The following SSH1 variants were observed in gnomAD, a reference collection of about 807,000 sequenced individuals.
SSH1 encodes slingshot protein phosphatase 1, also known as protein phosphatase Slingshot homolog 1.
In SSH1, 43 loss-of-function variants were observed where a neutral mutation model predicts 79.7. The ratio of observed to expected loss-of-function variants is 0.54; its 90% CI spans 0.42 to 0.70. SSH1 has a LOEUF of 0.70. Ranked by LOEUF, SSH1 falls within the 30% of genes least tolerant of loss-of-function variation. The pLI is 0.00. For synonymous variants in SSH1, 599 were observed against 538.3 expected (o/e 1.11, Z -1.56); for missense variants, 1,206 against 1,358.8 (o/e 0.89, Z 1.77).
chr12:108,851,452 A>T (rs1458742659), intron 2 of SSH1, among the ~76,000 whole-genome samples: 1 of 152,006 alleles, frequency 6.6e-6, no homozygotes, highest in African/African-American at 2.4e-5. Flanking sequence ...GATAAAACAG[A>T]CTATTTTTTT....
At position 108,800,804 on chromosome 12, in the gene SSH1, G is replaced by C. The variant is rs755430218; in HGVS notation, c.1124C>G (p.Ala375Gly). ...TTDLLAHWNE[A>G]YHFINKAKRN... The stretch of plus-strand genomic sequence containing the variant: ...CTTCGCTTTGTTTATAAAATGATAC[G>C]CTTCATTCCAGTGGGCGAGGAGGTC... Residue 375 changes from alanine (A) to glycine (G), a missense_variant, in exon 12 of 15, where the codon GCG (alanine) becomes GGG (glycine). Ala to Gly is a moderately conservative substitution (Grantham distance 60). Around this residue, in one of 5 missense-constraint regions of SSH1, gnomAD observed 166 missense variants for 262.9 expected, o/e 0.63. Coordinates refer to ENST00000326495, the MANE Select transcript of SSH1 (RefSeq NM_018984.4). The C allele has an allele frequency of 6.2e-7, 1 of 1,614,122 alleles. No homozygotes were observed. Among genetic ancestry groups the C allele is most frequent in the African/African-American group, 1.3e-5 (1 of 75,024 alleles).
intron 10 of SSH1, among the ~76,000 whole-genome samples, chr12:108,804,250 C>T (rs1281153197): frequency 6.6e-6 from 1 of 152,156 alleles, no homozygotes; most frequent in East Asian, 1.9e-4. Flanking sequence ...ATAGTCATCC[C>T]TTGGGGTATA....
chr12:108,789,332 G>A (rs551394535), intron 14 of SSH1, 88 bp from the exon 15 acceptor site: 23 of 1,401,590 alleles, frequency 1.6e-5, no homozygotes, highest in East Asian at 1.2e-4. Flanking sequence ...AAAGGGGTGC[G>A]AGGCCGGACT....
chr12:108,788,443 G>T lies in SSH1; in HGVS notation c.2695C>A (p.Pro899Thr). ...TGGTCCAGGCGGTAGAAGAAAGGAG[G>T]GGGGCTCTTCAGTGAGCCTCCTTCC... ...SLEGGSLKSP[P>T]PFFYRLDHTS... Residue 899 changes from proline (P) to threonine (T), a missense_variant, in exon 15 of 15, where the codon CCT (proline) becomes ACT (threonine). Physicochemically the swap from Pro to Thr is conservative, Grantham distance 38. Transcript: ENST00000326495. 1.3e-6 allele frequency: 2 copies of T among 1,576,760 alleles called. No homozygotes were observed. The highest frequency in any genetic ancestry group is 1.2e-5 in the South Asian group (1 of 84,672).
intron 2 of SSH1, among the ~76,000 whole-genome samples, chr12:108,841,855 T>C (rs2038786815): frequency 6.6e-6 from 1 of 151,444 alleles, no homozygotes; most frequent in Non-Finnish European, 1.5e-5. Flanking sequence ...TATATATATA[T>C]ATATATAGCT....
In SSH1 at chr12:108,787,078, A is replaced by ATCTGGGCTCTC. The variant is rs1415944074; in HGVS notation, c.*899_*909dup. 1 of 152,272 alleles carries ATCTGGGCTCTC rather than the reference A, an allele frequency of 6.6e-6. No homozygotes were observed. The highest frequency in any genetic ancestry group is 1.5e-5 in the Non-Finnish European group (1 of 68,060). The allele number at this position is 152,272 out of a possible 1,614,324, so 9.4% of individuals were successfully genotyped here. On this transcript the variant is annotated 3_prime_UTR_variant, in exon 15 of 15. Transcript: ENST00000326495. ...TAGATGGGCCCTAGTGGACCTAAGC[A>ATCTGGGCTCTC]TCTGGGCTCTCAGCAGGACGATGTG... is the stretch of plus-strand genomic sequence containing the variant.
chr12:108,788,481 G>T lies in SSH1; in HGVS notation c.2657C>A (p.Ala886Asp), dbSNP rs780341554. ...QAGSDEKSEA[A>D]PASLEGGSLK... is the part of the protein sequence containing the mutation. ...TGAGCCTCCTTCCAATGAAGCGGGG[G>T]CGGCCTCTGACTTCTCATCACTCCC... Residue 886 changes from alanine to aspartate, a missense_variant, in exon 15 of 15, where the codon GCC becomes GAC. Around this residue, in one of 5 missense-constraint regions of SSH1, gnomAD observed 709 missense variants for 730.6 expected, o/e 0.97. Coordinates refer to ENST00000326495, the MANE Select transcript of SSH1 (RefSeq NM_018984.4). 34 of 1,556,796 alleles carry T rather than the reference G, an allele frequency of 2.2e-5. No individual in the cohort carries two copies. The South Asian group carries it at 3.8e-4, about 18-fold the overall frequency.
intron 5 of SSH1, among the ~76,000 whole-genome samples, chr12:108,814,928 A>G (rs531939270): frequency 6.6e-6 from 1 of 152,338 alleles, no homozygotes; most frequent in East Asian, 1.9e-4. Flanking sequence ...TGGGATGCGC[A>G]TGTGGGCATC....
chr12:108,830,125 G>C (rs2038437653), intron 2 of SSH1, among the ~76,000 whole-genome samples: 1 of 151,796 alleles, frequency 6.6e-6, no homozygotes, highest in Non-Finnish European at 1.5e-5. Context: ...GGGTGCTTCT[G>C]ATGCACAGCC....
chr12:108,827,481 T>A lies in SSH1; in HGVS notation c.111-4120A>T, dbSNP rs532188141. ...CGAGGGCTGGGGAGCCAACTCCTCC[T>A]CAGAGTCCTACCCGAAAAGCAAATG... On this transcript the variant is annotated intron_variant, in intron 2 of 14. Coordinates refer to ENST00000326495, the MANE Select transcript of SSH1 (RefSeq NM_018984.4). 4,536 of 1,298,858 alleles carry A rather than the reference T, an allele frequency of 3.5e-3. 9 individuals are homozygous for A. The highest frequency in any genetic ancestry group is 4.1e-3 in the Non-Finnish European group (4,135 of 1,018,706). The allele number at this position is 1,298,858 out of a possible 1,614,324, so 80.5% of individuals were successfully genotyped here. A position where few individuals can be genotyped will look rare whatever the true frequency, so the allele number is the denominator to read the frequency against.
chr12:108,837,639 A>T (rs2038671545), intron 2 of SSH1, among the ~76,000 whole-genome samples: 1 of 152,238 alleles, frequency 6.6e-6, no homozygotes, highest in African/African-American at 2.4e-5. Context: ...GTAGTATTTT[A>T]CATATTTATG....
Position 108,787,821 on chromosome 12 carries a change from T to G in SSH1, c.*167A>C. The G allele has an allele frequency of 1.2e-6, 1 of 833,108 alleles. No homozygotes were observed. 51.6% of individuals were successfully genotyped at this position (833,108 alleles called of 1,614,324 possible). A position where few individuals can be genotyped will look rare whatever the true frequency, so the allele number is the denominator to read the frequency against. ...CAGCTCCCCTTCTTGTGCTGCATGT[T>G]GGTTAGTTTCTTCTCCTCCTCTCTA... On this transcript the variant is annotated 3_prime_UTR_variant, in exon 15 of 15. Transcript: ENST00000326495.
chr12:108,792,909 G>T, intron 13 of SSH1, 80 bp from the exon 14 acceptor site: 5 of 1,575,226 alleles, frequency 3.2e-6, no homozygotes, highest in Non-Finnish European at 4.3e-6. Flanking sequence ...CGGTGAGCCA[G>T]TGAGGGGCTG....
chr12:108,851,263 AAGTG>A (rs1344678743), intron 2 of SSH1, among the ~76,000 whole-genome samples: 1 of 149,354 alleles, frequency 6.7e-6, no homozygotes, highest in Non-Finnish European at 1.5e-5. Context: ...GCCGTAATAA[AAGTG>A]AGTATTTCCC....
chr12:108,792,146 G>T, intron 14 of SSH1, 140 bp downstream of exon 14: 3 of 1,514,448 alleles, frequency 2.0e-6, no homozygotes, highest in Non-Finnish European at 2.7e-6. Flanking sequence ...GGAGCTGGGG[G>T]CCCAGAGGAG....
intron 7 of SSH1, among the ~76,000 whole-genome samples, chr12:108,808,786 G>C (rs1253895100): frequency 2.1e-5 from 3 of 140,856 alleles, no homozygotes; most frequent in Non-Finnish European, 3.1e-5. Flanking sequence ...ACAATATTAA[G>C]AATCTATGTT....
chr12:108,845,830 C>T (rs2038888216), intron 2 of SSH1, among the ~76,000 whole-genome samples: 1 of 152,210 alleles, frequency 6.6e-6, no homozygotes. Flanking sequence ...GGGTGCATGA[C>T]ACCTCTTGGC....
At chr12:108,833,828 T>C (rs527372577) in intron 2 of SSH1, 10 of 152,244 alleles carry the variant, frequency 6.6e-5, no homozygotes, top group Non-Finnish European at 1.5e-4. Context: ...TTTAATTAGC[T>C]ACATGAGGCT....
intron 2 of SSH1, among the ~76,000 whole-genome samples, chr12:108,852,055 TAA>T (rs2039050296): frequency 6.6e-6 from 1 of 151,934 alleles, no homozygotes; most frequent in Admixed American, 6.6e-5. Context: ...TAGAAAATAA[TAA>T]GTTACCAAAA....
Sources: allele counts gnomAD v4.1 joint callset (sites outside exome capture counted in the v4.1 genomes callset), GRCh38; gene constraint gnomAD v4.1.1; regional missense constraint gnomAD v4.1.1; transcripts MANE v1.5; gene names NCBI Gene and HGNC (gene_info 2026-07-23, HGNC 2026-07-21).